Variants in TRPM6 observed in about 807,000 individuals in gnomAD.
The protein encoded by TRPM6 is channel kinase 2.
In TRPM6, 111 loss-of-function variants were observed where a neutral mutation model predicts 247.6. The ratio of observed to expected loss-of-function variants is 0.45; its 90% CI spans 0.38 to 0.52. The LOEUF is 0.52. Ranked by LOEUF, TRPM6 falls within the 20% of genes least tolerant of loss-of-function variation. The pLI is 0.00. For missense variants in TRPM6, 2,126 were observed against 2,421.5 expected, an observed-to-expected ratio of 0.88 and a Z score of 2.56; for synonymous variants, 892 against 853.8, an observed-to-expected ratio of 1.04 and a Z score of -0.78.
chr9:74,885,965 T>C (rs116974365), intron 1 of TRPM6, among the ~76,000 whole-genome samples: 7,393 of 152,260 alleles, frequency 0.049, 245 homozygotes, highest in South Asian at 0.08. Flanking sequence ...AGAGAAGCCA[T>C]ATTTCAGGCA....
At chr9:74,822,145 G>A (rs1221012161) in intron 7 of TRPM6, among the ~76,000 whole-genome samples, 1 of 152,172 alleles carries the variant, frequency 6.6e-6, no homozygotes, top group Non-Finnish European at 1.5e-5. Context: ...AACTCCCAAA[G>A]TATCTAAAAG....
chr9:74,834,028 A>G lies in TRPM6; in HGVS notation c.639T>C (p.Ile213=). 6.2e-7 allele frequency: 1 copy of G among 1,614,152 alleles called. No homozygotes were observed. The highest frequency in any genetic ancestry group is 8.5e-7 in the Non-Finnish European group (1 of 1,179,984). The part of the protein sequence containing the change: ...WTVGIPPWGV[I]ENQRDLIGKD... ...TTCCAATAAGGTCTCTCTGGTTCTC[A>G]ATGACACCCCAAGGAGGGATTCCAA... Residue 213 remains isoleucine, a synonymous_variant, in exon 6 of 39, where the codon ATT becomes ATC. Transcript: ENST00000360774.
intron 25 of TRPM6, among the ~76,000 whole-genome samples, chr9:74,764,099 G>A (rs1486329106): frequency 6.6e-6 from 1 of 151,012 alleles, no homozygotes; most frequent in South Asian, 2.1e-4. Context: ...ACTCCAGCCT[G>A]GGCGACAGAG....
intron 21 of TRPM6, among the ~76,000 whole-genome samples, chr9:74,784,895 T>A (rs933509623): frequency 5.9e-5 from 9 of 152,154 alleles, no homozygotes; most frequent in Non-Finnish European, 1.5e-5. Context: ...GAGGATCATT[T>A]GAGCTCAGGA....
intron 17 of TRPM6, among the ~76,000 whole-genome samples, chr9:74,798,352 T>C (rs778774137): frequency 6.6e-6 from 1 of 152,116 alleles, no homozygotes; most frequent in African/African-American, 2.4e-5. Context: ...CTTTCTCCAG[T>C]TCTAATAGGA....
At chr9:74,864,558 TC>T (rs1168140218) in intron 1 of TRPM6, among the ~76,000 whole-genome samples, 1 of 152,222 alleles carries the variant, frequency 6.6e-6, no homozygotes, top group Non-Finnish European at 1.5e-5. Context: ...AAATAGTCTG[TC>T]CAGGAGGCAG....
At chr9:74,769,785 A>G (rs1045660691) in intron 25 of TRPM6, among the ~76,000 whole-genome samples, 1 of 44,850 alleles carries the variant, frequency 2.2e-5, no homozygotes, top group African/African-American at 2.8e-4. Context: ...GGAAGGAAGG[A>G]CGGAAGGAAG....
intron 11 of TRPM6, among the ~76,000 whole-genome samples, chr9:74,813,711 C>G (rs959822122): frequency 3.3e-5 from 5 of 152,200 alleles, no homozygotes; most frequent in Middle Eastern, 3.4e-3. Flanking sequence ...ACAAACAGAT[C>G]AAAAAACATC....
At chr9:74,859,759 G>A (rs1830640703) in intron 1 of TRPM6, among the ~76,000 whole-genome samples, 1 of 149,756 alleles carries the variant, frequency 6.7e-6, no homozygotes, top group South Asian at 2.1e-4. Context: ...GGGTGGCAGA[G>A]CGAGACTCTG....
At chr9:74,820,449 T>C in intron 8 of TRPM6, 22 bp from the exon 9 acceptor site, 1 of 1,613,932 alleles carries the variant, frequency 6.2e-7, no homozygotes, top group Non-Finnish European at 8.5e-7. Context: ...ATAAATGGTC[T>C]TGACACAACC....
In TRPM6 at chr9:74,819,504, G is replaced by T. The variant is rs555620711; in HGVS notation, c.1134+800C>A. 3.4e-4 allele frequency among the ~76,000 whole-genome samples: 51 copies of T among 152,218 alleles called. 1 individual carries two copies. Among genetic ancestry groups the T allele is most frequent in the African/African-American group, 1.2e-3 (49 of 41,542 alleles). ...AGCCTGGGCAAAAGAGCAAGACCTT[G>T]TCTTTACCAAATAAATTAATTAAAT... is the stretch of plus-strand genomic sequence containing the variant. On this transcript the variant is annotated intron_variant, in intron 9 of 38. Coordinates refer to ENST00000360774, the MANE Select transcript of TRPM6 (RefSeq NM_017662.5).
intron 19 of TRPM6, among the ~76,000 whole-genome samples, chr9:74,789,982 AAAAG>A (rs1827845825): frequency 1.4e-5 from 2 of 140,258 alleles, no homozygotes; most frequent in African/African-American, 2.6e-5. Context: ...AAAAAAAAAA[AAAAG>A]AAAATCAGTT....
chr9:74,732,565 G>A, intron 37 of TRPM6, 120 bp downstream of exon 37: 7 of 715,694 alleles, frequency 9.8e-6, no homozygotes, highest in South Asian at 1.8e-5. Flanking sequence ...ATATACATAA[G>A]CTACCTAAAA....
chr9:74,751,500 A>G (rs1826244903), intron 29 of TRPM6, among the ~76,000 whole-genome samples: 1 of 152,250 alleles, frequency 6.6e-6, no homozygotes. Context: ...CTACAAGAAT[A>G]TCTGAGGTTG....
intron 6 of TRPM6, among the ~76,000 whole-genome samples, chr9:74,830,824 T>G (rs1428040265): frequency 1.5e-5 from 2 of 135,000 alleles, no homozygotes; most frequent in Non-Finnish European, 3.1e-5. Context: ...CTCAAACTCG[T>G]GAGCTCAAGC....
chr9:74,833,927 A>G, intron 6 of TRPM6, 71 bp downstream of exon 6: 1 of 1,590,380 alleles, frequency 6.3e-7, no homozygotes, highest in Non-Finnish European at 8.6e-7. Context: ...TTAGACATCC[A>G]GGTACAGTGT....
intron 13 of TRPM6, among the ~76,000 whole-genome samples, chr9:74,809,826 G>A (rs1280639897): frequency 6.6e-6 from 1 of 151,612 alleles, no homozygotes; most frequent in East Asian, 1.9e-4. Flanking sequence ...CAAAAATACA[G>A]AAAAGTTGCC....
At chr9:74,774,718 TAGTG>T (rs1827159347) in intron 24 of TRPM6, among the ~76,000 whole-genome samples, 1 of 152,212 alleles carries the variant, frequency 6.6e-6, no homozygotes. Context: ...AAAATTAATA[TAGTG>T]AGTATGTCAT....
At chr9:74,775,213 TCA>T (rs760250145) in intron 24 of TRPM6, among the ~76,000 whole-genome samples, 2 of 152,182 alleles carry the variant, frequency 1.3e-5, no homozygotes, top group African/African-American at 2.4e-5. Flanking sequence ...GCATCCTGAC[TCA>T]CAGTGTTGCC....
Sources: gnomAD v4.1 joint callset for allele counts (sites outside exome capture counted in the v4.1 genomes callset) on GRCh38, gnomAD v4.1.1 for gene constraint, MANE v1.5 for transcripts, NCBI Gene and HGNC (gene_info 2026-07-23, HGNC 2026-07-21) for gene names.